SH3KBP1: variants seen among roughly 807,000 people sequenced by gnomAD.
The protein encoded by SH3KBP1 is SH3 domain-containing kinase-binding protein 1.
SH3KBP1 carries 8 observed loss-of-function variants against 50.1 expected under a neutral mutation model. The ratio of observed to expected loss-of-function variants is 0.16; its 90% confidence interval spans 0.09 to 0.29. SH3KBP1 has a LOEUF of 0.29. Among genes scored for constraint, SH3KBP1 ranks in the 10% least tolerant of loss-of-function variants. The pLI is 1.00. For missense variants in SH3KBP1, 377 were observed against 535.2 expected (o/e 0.70, Z 2.92); for synonymous variants, 227 against 218.6 (o/e 1.04, Z -0.34).
At chrX:19,868,667 A>G (rs1448118019) in intron 1 of SH3KBP1, among the ~76,000 whole-genome samples, 2 of 101,953 alleles carry the variant, frequency 2.0e-5, no homozygotes, top group Non-Finnish European at 4.0e-5. Context: ...TAAGTTGTAA[A>G]TGCACTTTTG....
At chrX:19,665,838 T>C (rs1192090096) in intron 6 of SH3KBP1, among the ~76,000 whole-genome samples, 9 of 111,844 alleles carry the variant, frequency 8.0e-5, no homozygotes, top group South Asian at 7.4e-4. Flanking sequence ...ACTCATTCCA[T>C]CCCACTGAAA....
intron 9 of SH3KBP1, among the ~76,000 whole-genome samples, chrX:19,601,991 T>C (rs2067105657): frequency 9.0e-6 from 1 of 110,936 alleles, no homozygotes; most frequent in African/African-American, 3.3e-5. Flanking sequence ...TGATGGCCTA[T>C]TGGGTGGTCA....
At chrX:19,710,453 G>A (rs780824854) in intron 3 of SH3KBP1, among the ~76,000 whole-genome samples, 2 of 111,794 alleles carry the variant, frequency 1.8e-5, no homozygotes, top group African/African-American at 6.5e-5. Context: ...CATTCACCTC[G>A]CTGCATTACA....
intron 13 of SH3KBP1, among the ~76,000 whole-genome samples, chrX:19,568,875 T>C (rs1181854084): frequency 8.9e-6 from 1 of 112,851 alleles, no homozygotes; most frequent in African/African-American, 3.2e-5. Flanking sequence ...TTAGATCTTG[T>C]AAGGAATTTC....
intron 1 of SH3KBP1, among the ~76,000 whole-genome samples, chrX:19,838,068 C>T (rs1413306997): frequency 1.9e-5 from 2 of 103,298 alleles, no homozygotes; most frequent in Non-Finnish European, 3.8e-5. Flanking sequence ...AAAACAACAA[C>T]AACAACAACA....
chrX:19,750,853 A>G (rs886302253), intron 2 of SH3KBP1, among the ~76,000 whole-genome samples: 3 of 111,809 alleles, frequency 2.7e-5, no homozygotes, highest in African/African-American at 9.8e-5. Context: ...TGATTTTGCC[A>G]AACATATATT....
intron 6 of SH3KBP1, among the ~76,000 whole-genome samples, chrX:19,663,404 C>G (rs2062511771): frequency 9.0e-6 from 1 of 111,362 alleles, no homozygotes; most frequent in South Asian, 3.8e-4. Context: ...AATTCCTTGT[C>G]CTTTTCTATT....
intron 2 of SH3KBP1, among the ~76,000 whole-genome samples, chrX:19,834,410 C>T (rs1004878980): frequency 2.7e-5 from 3 of 112,107 alleles, no homozygotes; most frequent in African/African-American, 9.7e-5. Flanking sequence ...GCATGCAGGT[C>T]TTCCCACTGA....
At chrX:19,606,625 A>C (rs1364203407) in intron 9 of SH3KBP1, among the ~76,000 whole-genome samples, 2 of 112,032 alleles carry the variant, frequency 1.8e-5, no homozygotes, top group Non-Finnish European at 3.8e-5. Flanking sequence ...GTGGGTTGTC[A>C]TCACTTAGAT....
intron 1 of SH3KBP1, among the ~76,000 whole-genome samples, chrX:19,883,199 G>A (rs1277572978): frequency 8.9e-6 from 1 of 112,377 alleles, no homozygotes; most frequent in Admixed American, 9.4e-5. Flanking sequence ...AGGTCTGCTG[G>A]AATGAAGCCA....
At chrX:19,594,732 T>C (rs753440207) in intron 10 of SH3KBP1, among the ~76,000 whole-genome samples, 51 of 111,500 alleles carry the variant, frequency 4.6e-4, no homozygotes, top group Non-Finnish European at 8.5e-4. Flanking sequence ...GCCTAGATTT[T>C]TACACTATAT....
At chrX:19,879,745 T>G (rs187347710) in intron 1 of SH3KBP1, among the ~76,000 whole-genome samples, 2 of 112,674 alleles carry the variant, frequency 1.8e-5, no homozygotes, top group East Asian at 5.6e-4. Flanking sequence ...TCTAGTGACT[T>G]GTAGGTTCGT....
chrX:19,638,473 G>C (rs73459630), intron 7 of SH3KBP1, among the ~76,000 whole-genome samples: 2,264 of 109,405 alleles, frequency 0.021, 59 homozygotes, highest in African/African-American at 0.072. Context: ...GTGGGCATTG[G>C]CATCAGGTGG....
At chrX:19,564,130 G>C (rs1220498925) in intron 13 of SH3KBP1, among the ~76,000 whole-genome samples, 2 of 111,934 alleles carry the variant, frequency 1.8e-5, no homozygotes, top group African/African-American at 3.2e-5. Context: ...TTAAAAACAG[G>C]ACAGAAAAAC....
At chrX:19,836,044 A>C in intron 2 of SH3KBP1, 81 bp downstream of exon 2, 1 of 924,155 alleles carries the variant, frequency 1.1e-6, no homozygotes, top group Non-Finnish European at 1.5e-6. Flanking sequence ...AGTTCATGCA[A>C]TTCATCCTCA....
chrX:19,577,573 T>C (rs1208902878), intron 12 of SH3KBP1, among the ~76,000 whole-genome samples: 2 of 111,225 alleles, frequency 1.8e-5, no homozygotes, highest in African/African-American at 3.3e-5. Flanking sequence ...AGATGCACCA[T>C]GTGCATCTCT....
At position 19,826,691 on chromosome X, in the gene SH3KBP1, A is replaced by G. The variant is rs182834189; in HGVS notation, c.162+9434T>C. Among the ~76,000 whole-genome samples, 46 of 45,145 alleles carry G rather than the reference A, an allele frequency of 1.0e-3. No individual in the cohort carries two copies. The East Asian group carries it at 0.014, about 14-fold the overall frequency. The allele number at this position is 45,145 out of a possible 115,157, so 39.2% of individuals were successfully genotyped here. On this transcript the variant is annotated intron_variant, in intron 2 of 17. Coordinates refer to ENST00000397821, the MANE Select transcript of SH3KBP1 (RefSeq NM_031892.3). ...GAAGGAGACACTGTCTCTAAATAAC[A>G]TAACATAACATAACATAACATAACA...
chrX:19,823,281 C>T (rs1205444278), intron 2 of SH3KBP1, among the ~76,000 whole-genome samples: 1 of 112,074 alleles, frequency 8.9e-6, no homozygotes, highest in Non-Finnish European at 1.9e-5. Context: ...TCCCGATAGG[C>T]TCAACTGGAT....
chrX:19,571,051 T>A (rs2065992699), intron 12 of SH3KBP1, among the ~76,000 whole-genome samples: 1 of 111,785 alleles, frequency 8.9e-6, no homozygotes. Flanking sequence ...CCTCCTCAAC[T>A]CCCAAGCAAA....
Sources: allele counts gnomAD v4.1 joint callset (sites outside exome capture counted in the v4.1 genomes callset), GRCh38; gene constraint gnomAD v4.1.1; transcripts MANE v1.5; gene names NCBI Gene and HGNC (gene_info 2026-07-23, HGNC 2026-07-21).